The following NRIP1 variants were observed in gnomAD, a reference collection of about 807,000 sequenced individuals.
NRIP1 encodes nuclear receptor interacting protein 1.
Under a neutral mutation model 75.0 loss-of-function variants are expected in NRIP1, and 28 were observed. The ratio of observed to expected loss-of-function variants is 0.37; its 90% CI spans 0.28 to 0.51. The LOEUF is 0.51. Ranked by LOEUF, NRIP1 falls within the 20% of genes least tolerant of loss-of-function variation. NRIP1 has a pLI of 0.92. For synonymous variants in NRIP1, 526 were observed against 487.6 expected, an observed-to-expected ratio of 1.08 and a Z score of -1.04; for missense variants, 1,435 against 1,343.7, an observed-to-expected ratio of 1.07 and a Z score of -1.06.
intron 1 of NRIP1, chr21:15,050,996 T>C: frequency 2.3e-6 from 1 of 433,188 alleles, no homozygotes; most frequent in Non-Finnish European, 4.6e-6. Flanking sequence ...AGCAGTAGCA[T>C]TTACCTACAG....
intron 3 of NRIP1, among the ~76,000 whole-genome samples, chr21:14,995,641 T>C (rs1299108613): frequency 6.6e-6 from 1 of 152,212 alleles, no homozygotes; most frequent in Admixed American, 6.5e-5. Flanking sequence ...AATTCTTATA[T>C]ATGTAAAACT....
chr21:14,978,769 GTTAATC>G (rs1478728014), intron 3 of NRIP1, among the ~76,000 whole-genome samples: 1 of 152,134 alleles, frequency 6.6e-6, no homozygotes, highest in African/African-American at 2.4e-5. Context: ...TGCCTCTATA[GTTAATC>G]TTAAAAACAT....
At position 14,966,448 on chromosome 21, in the gene NRIP1, T is replaced by A. The variant is rs753042681; in HGVS notation, c.1745A>T (p.Tyr582Phe). The A allele has an allele frequency of 6.2e-7, 1 of 1,614,002 alleles. No homozygotes were observed. Among genetic ancestry groups the A allele is most frequent in the African/African-American group, 1.3e-5 (1 of 74,910 alleles). ...CTTTTCAGACTGAGTACTGCAGACA[T>A]ATGGTGGGGAATTCCATTTGATGAC... ...SLVIKWNSPP[Y>F]VCSTQSEKLT... The change falls in exon 4 of 4, where the codon TAT (tyrosine) becomes TTT (phenylalanine). Residue 582 changes from tyrosine (Y) to phenylalanine (F), a missense_variant. Physicochemically the swap from Tyr to Phe is conservative, Grantham distance 22. Coordinates refer to ENST00000318948, the MANE Select transcript of NRIP1 (RefSeq NM_003489.4).
chr21:14,983,564 A>C (rs961059269), intron 3 of NRIP1, among the ~76,000 whole-genome samples: 1 of 152,214 alleles, frequency 6.6e-6, no homozygotes, highest in African/African-American at 2.4e-5. Context: ...AGGTGGTTAC[A>C]CTAAACAACA....
At chr21:15,049,334 TTAA>T (rs1308456935) in intron 1 of NRIP1, among the ~76,000 whole-genome samples, 1 of 152,028 alleles carries the variant, frequency 6.6e-6, no homozygotes, top group African/African-American at 2.4e-5. Context: ...TAATACTATA[TTAA>T]TAAAAGAAAA....
intron 3 of NRIP1, among the ~76,000 whole-genome samples, chr21:14,996,689 T>C (rs2087736559): frequency 6.6e-6 from 1 of 152,166 alleles, no homozygotes; most frequent in African/African-American, 2.4e-5. Context: ...AGGACCACTT[T>C]TATTCTGTTC....
At chr21:15,063,444 TA>T (rs1978509895) in intron 1 of NRIP1, among the ~76,000 whole-genome samples, 1 of 152,216 alleles carries the variant, frequency 6.6e-6, no homozygotes, top group African/African-American at 2.4e-5. Flanking sequence ...AACTGATGAT[TA>T]AACACTGAAT....
intron 1 of NRIP1, among the ~76,000 whole-genome samples, chr21:15,056,905 C>A (rs2089320178): frequency 1.3e-5 from 2 of 152,124 alleles, no homozygotes; most frequent in Non-Finnish European, 2.9e-5. Context: ...AAGCTCATAA[C>A]TCCATTTCTT....
Position 14,999,067 on chromosome 21 carries a change from C to T in NRIP1, c.-335+15277G>A, listed in dbSNP as rs545159028. On this transcript the variant is annotated intron_variant, in intron 3 of 3. Coordinates refer to ENST00000318948, the MANE Select transcript of NRIP1 (RefSeq NM_003489.4). The stretch of plus-strand genomic sequence containing the variant: ...TTGTCCAGGCTGGAGTGCAGTAATT[C>T]AATCACAGCTCCCCATAACCTTGAA... 3.3e-5 allele frequency among the ~76,000 whole-genome samples: 5 copies of T among 152,240 alleles called. No homozygotes were observed. In the South Asian group the frequency reaches 1.0e-3, roughly 32 times the overall value.
intron 3 of NRIP1, among the ~76,000 whole-genome samples, chr21:14,982,234 C>T (rs2147020876): frequency 6.6e-6 from 1 of 152,048 alleles, no homozygotes; most frequent in East Asian, 1.9e-4. Context: ...TTGGTCTTTC[C>T]CTTGATTTCA....
intron 3 of NRIP1, chr21:14,991,178 A>C (rs1051790349): frequency 6.6e-6 from 1 of 151,916 alleles, no homozygotes; most frequent in Non-Finnish European, 1.5e-5. Flanking sequence ...CCACTGCTGT[A>C]GTTCTAACTA....
chr21:15,009,829 A>T (rs1314695299), intron 3 of NRIP1, among the ~76,000 whole-genome samples: 2 of 152,222 alleles, frequency 1.3e-5, no homozygotes, highest in African/African-American at 2.4e-5. Flanking sequence ...TAGTCTTGCT[A>T]AAAACTTCTG....
intron 2 of NRIP1, among the ~76,000 whole-genome samples, chr21:15,015,507 G>A (rs371131636): frequency 6.6e-6 from 1 of 152,048 alleles, no homozygotes; most frequent in African/African-American, 2.4e-5. Flanking sequence ...GAGGATAGGT[G>A]TAAATATTTA....
intron 2 of NRIP1, among the ~76,000 whole-genome samples, chr21:15,030,925 G>GTA (rs1251096557): frequency 1.0e-5 from 1 of 98,644 alleles, no homozygotes; most frequent in South Asian, 3.4e-4. Flanking sequence ...TTCTATGTGT[G>GTA]TACACTCTGG....
chr21:14,978,210 T>A (rs1306570874), intron 3 of NRIP1, among the ~76,000 whole-genome samples: 1 of 152,220 alleles, frequency 6.6e-6, no homozygotes, highest in African/African-American at 2.4e-5. Context: ...CACATGTATA[T>A]GAGGACCCCT....
chr21:14,983,980 T>C (rs1383614727), intron 3 of NRIP1, among the ~76,000 whole-genome samples: 3 of 152,220 alleles, frequency 2.0e-5, no homozygotes, highest in Non-Finnish European at 4.4e-5. Context: ...TAATGTTGTT[T>C]TTATGCCTGC....
chr21:15,014,863 A>G (rs978085590), intron 2 of NRIP1, among the ~76,000 whole-genome samples: 10 of 151,934 alleles, frequency 6.6e-5, no homozygotes, highest in African/African-American at 2.4e-4. Context: ...GTTTTCTTAT[A>G]TGGAACTTTT....
chr21:15,009,384 T>C (rs1024715634), intron 3 of NRIP1, among the ~76,000 whole-genome samples: 11 of 152,150 alleles, frequency 7.2e-5, no homozygotes, highest in Non-Finnish European at 1.5e-4. Flanking sequence ...AACCAGCCCT[T>C]AGTGGGCTCA....
At chr21:15,039,706 C>G (rs2147306302) in intron 2 of NRIP1, among the ~76,000 whole-genome samples, 1 of 152,086 alleles carries the variant, frequency 6.6e-6, no homozygotes, top group South Asian at 2.1e-4. Context: ...TCAATTAAGC[C>G]AGCCATGCTT....
Sources: allele counts gnomAD v4.1 joint callset (sites outside exome capture counted in the v4.1 genomes callset), GRCh38; gene constraint gnomAD v4.1.1; transcripts MANE v1.5; gene names NCBI Gene and HGNC (gene_info 2026-07-23, HGNC 2026-07-21).